MICALL1: variants seen among roughly 807,000 people sequenced by gnomAD.
MICALL1 encodes MICAL-like protein 1.
A neutral mutation model predicts 83.7 loss-of-function variants in MICALL1; 61 were observed. That is an observed-to-expected ratio of 0.73 (90% CI 0.59 to 0.90). The LOEUF is 0.90. MICALL1 is among the 40% of genes least tolerant of loss of function. The pLI, the probability that MICALL1 is intolerant of heterozygous loss-of-function variation, is 0.00. For missense variants in MICALL1, 1,066 were observed against 1,152.0 expected (o/e 0.93, Z 1.08); for synonymous variants, 481 against 473.6 (o/e 1.02, Z -0.20).
Position 37,906,650 on chromosome 22 carries a change from C to T in MICALL1, c.146+82C>T. ...CCGCCCCCCCTCAGTAACACGAAGC[C>T]CGGGCGGTGACAGGCGCCGCCCCCG... On this transcript the variant is annotated intron_variant, in intron 1 of 15. Transcript: ENST00000215957. The surrounding 1 kb of genome is among the most constrained non-coding windows in gnomAD (Gnocchi z 4.4). 1 of 1,114,270 alleles carries T rather than the reference C, an allele frequency of 9.0e-7. No homozygotes were observed. Among genetic ancestry groups the T allele is most frequent in the Admixed American group, 5.0e-5 (1 of 20,152 alleles). The allele number at this position is 1,114,270 out of a possible 1,614,324, so 69.0% of individuals were successfully genotyped here.
Position 37,932,641 on chromosome 22 carries a change from G to A in MICALL1, c.2105G>A (p.Gly702Glu). The A allele has an allele frequency of 6.2e-7, 1 of 1,614,098 alleles. No homozygotes were observed. The highest frequency in any genetic ancestry group is 8.5e-7 in the Non-Finnish European group (1 of 1,180,006). Residue 702 changes from glycine (G) to glutamate (E), a missense_variant, in exon 11 of 16, where the codon GGG becomes GAG. Physicochemically the swap from Gly to Glu is moderately conservative, Grantham distance 98. Coordinates refer to ENST00000215957, the MANE Select transcript of MICALL1 (RefSeq NM_033386.4). The surrounding 1 kb of genome is among the most constrained non-coding windows in gnomAD (Gnocchi z 4.4). Reference sequence around the variant, plus strand: ...CGGCTGGATGCCCTGGAGCACCGTGGGGTGCTGCTGGAGGAGAAGCTGCGT... The same window carrying A: ...CGGCTGGATGCCCTGGAGCACCGTGAGGTGCTGCTGGAGGAGAAGCTGCGT... ...ERRLDALEHR[G>E]VLLEEKLRGG...
At chr22:37,908,213 C>G (rs1303779863) in intron 1 of MICALL1, among the ~76,000 whole-genome samples, 2 of 151,960 alleles carry the variant, frequency 1.3e-5, no homozygotes, top group Admixed American at 6.6e-5. Flanking sequence ...TGTGACACAG[C>G]TCACAGAAAT....
chr22:37,923,415 A>G (rs1929221332), intron 6 of MICALL1, among the ~76,000 whole-genome samples: 2 of 151,578 alleles, frequency 1.3e-5, no homozygotes, highest in African/African-American at 4.9e-5. Flanking sequence ...TTGGGTAGAG[A>G]TGGGTTTTCA....
At chr22:37,909,450 T>C (rs1458426156) in intron 1 of MICALL1, among the ~76,000 whole-genome samples, 1 of 148,464 alleles carries the variant, frequency 6.7e-6, no homozygotes, top group Non-Finnish European at 1.5e-5. Flanking sequence ...GCTCCACCTC[T>C]TGGGTTCACG....
At position 37,930,303 on chromosome 22, in the gene MICALL1, G is replaced by A. The variant is rs1929718784; in HGVS notation, c.1882-1496G>A. Reference sequence around the variant, plus strand: ...GTCCCACTGTCACCCCAGGATTAGGGGAGACTTTCAGAGGCAGTGGGGGCC... The same window carrying A: ...GTCCCACTGTCACCCCAGGATTAGGAGAGACTTTCAGAGGCAGTGGGGGCC... On this transcript the variant is annotated intron_variant, in intron 9 of 15. Transcript: ENST00000215957. The surrounding 1 kb of genome is among the most constrained non-coding windows in gnomAD (Gnocchi z 4.8). 6.6e-6 allele frequency among the ~76,000 whole-genome samples: 1 copy of A among 152,164 alleles called. No individual in the cohort carries two copies. Among genetic ancestry groups the A allele is most frequent in the African/African-American group, 2.4e-5 (1 of 41,440 alleles).
chr22:37,940,596 G>T, intron 15 of MICALL1, 113 bp from the exon 16 acceptor site: 1 of 1,313,764 alleles, frequency 7.6e-7, no homozygotes, highest in East Asian at 2.4e-5. Context: ...AGGAAGTGGT[G>T]GGGCTGGGCT....
intron 15 of MICALL1, among the ~76,000 whole-genome samples, chr22:37,938,620 A>AT (rs778980032): frequency 0.031 from 3,726 of 118,758 alleles, 200 homozygotes; most frequent in African/African-American, 0.11. Context: ...CACCCAGCTA[A>AT]TTTTTTTTTT....
At chr22:37,938,586 T>C (rs1930267611) in intron 15 of MICALL1, among the ~76,000 whole-genome samples, 1 of 150,234 alleles carries the variant, frequency 6.7e-6, no homozygotes, top group East Asian at 2.0e-4. Flanking sequence ...CCTGAGTTGC[T>C]GGGACTACAG....
At position 37,941,694 on chromosome 22, in the gene MICALL1, G is replaced by A; in HGVS notation, c.*864G>A. ...GGCTTTCCTCTGCCACCCCGGTCCA[G>A]GGAAGAGGCTCGCTCCCGCCCATGG... On this transcript the variant is annotated 3_prime_UTR_variant, in exon 16 of 16. Coordinates refer to ENST00000215957, the MANE Select transcript of MICALL1 (RefSeq NM_033386.4). 6.6e-6 allele frequency: 1 copy of A among 152,412 alleles called. No homozygotes were observed. Among genetic ancestry groups the A allele is most frequent in the Admixed American group, 6.5e-5 (1 of 15,274 alleles). The allele number at this position is 152,412 out of a possible 1,614,324, so 9.4% of individuals were successfully genotyped here.
In MICALL1 at chr22:37,925,671, C is replaced by G. The variant is rs1225053008; in HGVS notation, c.1093C>G (p.Pro365Ala). The change falls in exon 8 of 16, where the codon CCC becomes GCC. Residue 365 changes from proline to alanine, a missense_variant. Pro to Ala is a conservative substitution (Grantham distance 27). Transcript: ENST00000215957. ...TCCCCCCTCCTCCAGGACACCAGCC[C>G]CCAGGAAGGACCCCCCATGGATCAC... Reference protein sequence around the residue: ...TPKPSEGTPAPRKDPPWITLV... With the variant: ...TPKPSEGTPAARKDPPWITLV... The G allele has an allele frequency of 6.2e-7, 1 of 1,605,866 alleles. No individual in the cohort carries two copies. The highest frequency in any genetic ancestry group is 8.5e-7 in the Non-Finnish European group (1 of 1,176,342).
intron 5 of MICALL1, among the ~76,000 whole-genome samples, chr22:37,919,594 C>G (rs2145902587): frequency 7.4e-6 from 1 of 134,342 alleles, no homozygotes; most frequent in African/African-American, 2.9e-5. Flanking sequence ...CGAGATCGTG[C>G]TACTGCATTC....
At position 37,922,083 on chromosome 22, in the gene MICALL1, G is replaced by A. The variant is rs144508698; in HGVS notation, c.681G>A (p.Ser227=). Residue 227 remains serine, a synonymous_variant, in exon 6 of 16, where the codon TCG becomes TCA. Transcript: ENST00000215957. ...HCARLGPGTR[S]GTRPGPFSQP... ...CCAGGCTGGGCCCGGGGACACGGTC[G>A]GGGACCAGGCCTGGGCCCTTCTCAC... 26 of 1,613,392 alleles carry A rather than the reference G, an allele frequency of 1.6e-5. 1 individual carries two copies. Among genetic ancestry groups the A allele is most frequent in the South Asian group, 9.9e-5 (9 of 91,076 alleles).
At chr22:37,937,394 C>T (rs1930190823) in intron 14 of MICALL1, among the ~76,000 whole-genome samples, 200 bp downstream of exon 14, 1 of 151,024 alleles carries the variant, frequency 6.6e-6, no homozygotes, top group Non-Finnish European at 1.5e-5. Flanking sequence ...CTCCTTCCTC[C>T]CGTAGGACTC....
chr22:37,923,691 T>C (rs969994596), intron 6 of MICALL1, among the ~76,000 whole-genome samples: 1 of 152,174 alleles, frequency 6.6e-6, no homozygotes, highest in Non-Finnish European at 1.5e-5. Context: ...TGGGCTTTAG[T>C]TTCAGGGTGT....
In MICALL1 at chr22:37,924,991, C is replaced by T. The variant is rs957936196; in HGVS notation, c.1082+274C>T. ...CCGTTGCCTCTCCAGGCTCCTTTGC[C>T]CTGTAACATGGGAGGCCGAGGCTTG... On this transcript the variant is annotated intron_variant, in intron 7 of 15. Transcript: ENST00000215957. The surrounding 1 kb of genome is among the most constrained non-coding windows in gnomAD (Gnocchi z 5.2). Among the ~76,000 whole-genome samples the T allele has an allele frequency of 6.6e-6, 1 of 152,180 alleles. No homozygotes were observed. Among genetic ancestry groups the T allele is most frequent in the Admixed American group, 6.5e-5 (1 of 15,282 alleles).
chr22:37,918,213 A>G (rs994843083), intron 4 of MICALL1, among the ~76,000 whole-genome samples: 4 of 152,212 alleles, frequency 2.6e-5, no homozygotes, highest in South Asian at 2.1e-4. Context: ...TCCTCTCAAC[A>G]ACCCAGGGAG....
At chr22:37,927,356 C>T in intron 8 of MICALL1, 55 bp from the exon 9 acceptor site, 1 of 1,477,860 alleles carries the variant, frequency 6.8e-7, no homozygotes, top group African/African-American at 1.4e-5. Context: ...GGAGGTGGGG[C>T]TGGAAGCCCT....
In MICALL1 at chr22:37,937,939, G is replaced by A. The variant is rs1930226526; in HGVS notation, c.2470+147G>A. The A allele has an allele frequency of 1.3e-5, 13 of 965,924 alleles. No individual in the cohort carries two copies. The South Asian group carries it at 1.8e-4, about 13-fold the overall frequency. The allele number at this position is 965,924 out of a possible 1,614,324, so 59.8% of individuals were successfully genotyped here. On this transcript the variant is annotated intron_variant, in intron 15 of 15. Coordinates refer to ENST00000215957, the MANE Select transcript of MICALL1 (RefSeq NM_033386.4). ...CCGCAGCCTCTGTTGTGCAGAGAGG[G>A]CTGTGTGTAGCAAGAGAGGCCAGCA...
intron 8 of MICALL1, among the ~76,000 whole-genome samples, chr22:37,926,385 C>T (rs1049152233): frequency 3.9e-5 from 6 of 152,124 alleles, no homozygotes; most frequent in African/African-American, 1.4e-4. Flanking sequence ...CTCAGTGCAG[C>T]GAGGGGCTCA....
Sources: allele counts gnomAD v4.1 joint callset (sites outside exome capture counted in the v4.1 genomes callset), GRCh38; gene constraint gnomAD v4.1.1; non-coding constraint Gnocchi (gnomAD v3.1); transcripts MANE v1.5; gene names NCBI Gene and HGNC (gene_info 2026-07-23, HGNC 2026-07-21).